SLC43A2: variants seen among roughly 807,000 people sequenced by gnomAD.
SLC43A2 encodes the protein large neutral amino acids transporter small subunit 4.
A neutral mutation model predicts 63.2 loss-of-function variants in SLC43A2; 38 were observed. The observed-to-expected ratio is 0.60, with a 90% CI of 0.46 to 0.79. The LOEUF (loss-of-function observed/expected upper bound fraction) is 0.79. SLC43A2 is among the 30% of genes least tolerant of loss of function. The pLI is 0.00. For synonymous variants in SLC43A2, 322 were observed against 331.0 expected (o/e 0.97, Z 0.30); for missense variants, 644 against 756.2 (o/e 0.85, Z 1.74).
intron 5 of SLC43A2, among the ~76,000 whole-genome samples, chr17:1,602,821 C>A (rs1426084501): frequency 7.2e-6 from 1 of 138,470 alleles, no homozygotes; most frequent in Non-Finnish European, 1.5e-5. Context: ...TGCAATGGTG[C>A]AATCTCGGCT....
chr17:1,616,745 C>A lies in SLC43A2; in HGVS notation c.185G>T (p.Gly62Val). The A allele has an allele frequency of 2.5e-6, 4 of 1,614,034 alleles. No individual in the cohort carries two copies. The highest frequency in any genetic ancestry group is 3.4e-6 in the Non-Finnish European group (4 of 1,180,042). ...EPENVTNGTV[G>V]GTAEPGHEEV... ...CTCGTGCCCCGGCTCTGCTGTGCCG[C>A]CCACTGTGCCATTGGTGACATTCTC... The change falls in exon 3 of 14, where the codon GGC becomes GTC. Residue 62 changes from glycine to valine, a missense_variant. Physicochemically the swap from Gly to Val is moderately radical, Grantham distance 109 (BLOSUM62 -3). Coordinates refer to ENST00000301335, the MANE Select transcript of SLC43A2 (RefSeq NM_152346.3).
chr17:1,595,682 C>T (rs1425828092), intron 5 of SLC43A2, among the ~76,000 whole-genome samples: 1 of 151,292 alleles, frequency 6.6e-6, no homozygotes, highest in Non-Finnish European at 1.5e-5. Flanking sequence ...TGACCTCAAG[C>T]GATCCATCTA....
At chr17:1,586,911 A>T in intron 9 of SLC43A2, 1 of 1,529,770 alleles carries the variant, frequency 6.5e-7, no homozygotes, top group Non-Finnish European at 8.7e-7. Flanking sequence ...AGGGGACATC[A>T]CAGCATTCCC....
intron 5 of SLC43A2, among the ~76,000 whole-genome samples, chr17:1,603,412 C>T (rs1030484919): frequency 4.0e-5 from 6 of 151,798 alleles, no homozygotes; most frequent in African/African-American, 1.5e-4. Context: ...AGAGAGGTTT[C>T]ATTTGACACA....
At position 1,583,097 on chromosome 17, in the gene SLC43A2, A is replaced by C; in HGVS notation, c.1350+107T>G. ...CTGTCTCAAAAAAATAAAGAAAGTC[A>C]TCCGCTTTGTTGATGGCTTCCATGA... On this transcript the variant is annotated intron_variant, in intron 11 of 13. Coordinates refer to ENST00000301335, the MANE Select transcript of SLC43A2 (RefSeq NM_152346.3). The surrounding 1 kb of genome is among the most constrained non-coding windows in gnomAD (Gnocchi z 5.5). The C allele has an allele frequency of 7.9e-7, 1 of 1,258,396 alleles. No homozygotes were observed. The highest frequency in any genetic ancestry group is 1.1e-6 in the Non-Finnish European group (1 of 889,530). 78.0% of individuals were successfully genotyped at this position (1,258,396 alleles called of 1,614,324 possible).
intron 11 of SLC43A2, among the ~76,000 whole-genome samples, chr17:1,582,405 C>G (rs1447973492): frequency 6.6e-6 from 1 of 152,182 alleles, no homozygotes; most frequent in Non-Finnish European, 1.5e-5. Flanking sequence ...AGATATGAAG[C>G]CACCATCAAG....
At position 1,583,072 on chromosome 17, in the gene SLC43A2, CT is replaced by C; in HGVS notation, c.1350+131del. ...CCAGCCTGAGCAACAGAGTTTGACT[CT>C]GTCTCAAAAAAATAAAGAAAGTCAT... On this transcript the variant is annotated intron_variant, in intron 11 of 13. Transcript: ENST00000301335. This position sits in a 1 kb window ranked among gnomAD's most constrained non-coding sequence, Gnocchi z 5.5. 4.9e-6 allele frequency: 5 copies of C among 1,022,728 alleles called. No homozygotes were observed. The highest frequency in any genetic ancestry group is 7.1e-6 in the Non-Finnish European group (5 of 700,440). 63.4% of individuals were successfully genotyped at this position (1,022,728 alleles called of 1,614,324 possible).
At chr17:1,589,658 C>T (rs183919555) in intron 9 of SLC43A2, among the ~76,000 whole-genome samples, 4 of 152,282 alleles carry the variant, frequency 2.6e-5, no homozygotes, top group African/African-American at 7.2e-5. Flanking sequence ...CGCACTCTGT[C>T]GCCCAGGCTG....
intron 6 of SLC43A2, among the ~76,000 whole-genome samples, chr17:1,592,359 G>A (rs1263912343): frequency 2.0e-5 from 3 of 152,182 alleles, no homozygotes; most frequent in East Asian, 1.9e-4. Context: ...CCTGGGAGGT[G>A]GAGGTTGCAG....
At chr17:1,612,829 G>A (rs922450052) in intron 5 of SLC43A2, among the ~76,000 whole-genome samples, 7 of 152,200 alleles carry the variant, frequency 4.6e-5, no homozygotes, top group East Asian at 3.9e-4. Flanking sequence ...AAAATTAGCC[G>A]GGTGTGGTGG....
chr17:1,600,152 A>ATTT (rs1555541181), intron 5 of SLC43A2, among the ~76,000 whole-genome samples: 1 of 60,280 alleles, frequency 1.7e-5, no homozygotes, highest in Non-Finnish European at 3.2e-5. Flanking sequence ...ATATATATAT[A>ATTT]TTTTTTTTTT....
At chr17:1,615,085 T>C (rs772674824) in intron 3 of SLC43A2, 51 bp from the exon 4 acceptor site, 41 of 1,603,050 alleles carry the variant, frequency 2.6e-5, no homozygotes, top group Non-Finnish European at 3.5e-5. Flanking sequence ...CTTTATTCAG[T>C]GTTATTGTTT....
At position 1,590,923 on chromosome 17, in the gene SLC43A2, C is replaced by G. The variant is rs1163958151; in HGVS notation, c.957G>C (p.Val319=). 2 of 1,551,164 alleles carry G rather than the reference C, an allele frequency of 1.3e-6. No individual in the cohort carries two copies. The highest frequency in any genetic ancestry group is 1.4e-5 in the African/African-American group (1 of 73,112). The change falls in exon 9 of 14, where the codon GTG becomes GTC. Residue 319 remains valine, a synonymous_variant. Transcript: ENST00000301335. ...AAVAPSFMHS[V]FSPILLLSLV... Reference sequence around the variant, plus strand: ...GGCTGAGCAGCAGGATGGGGCTGAACACGCTGTGCATGAAGGAGGGGGCCA... The same window carrying G: ...GGCTGAGCAGCAGGATGGGGCTGAAGACGCTGTGCATGAAGGAGGGGGCCA...
rs142373216 is a variant in SLC43A2, at chr17:1,583,416, G to A, written c.1218-80C>T. On this transcript the variant is annotated intron_variant, in intron 10 of 13. Transcript: ENST00000301335. The surrounding 1 kb of genome is among the most constrained non-coding windows in gnomAD (Gnocchi z 5.5). ...GCTCCTGAGAAGTCAGGCCTCAAGC[G>A]TCGCAGCAGGTAAACTGACGCAAGA... is the stretch of plus-strand genomic sequence containing the variant. 1.1e-5 allele frequency: 18 copies of A among 1,583,250 alleles called. No homozygotes were observed. The highest frequency in any genetic ancestry group is 2.0e-4 in the Middle Eastern group (1 of 4,928).
At chr17:1,609,349 C>T (rs1468275349) in intron 5 of SLC43A2, among the ~76,000 whole-genome samples, 1 of 151,760 alleles carries the variant, frequency 6.6e-6, no homozygotes, top group Non-Finnish European at 1.5e-5. Flanking sequence ...TTACAGGCGC[C>T]CTCCACCAAG....
chr17:1,604,926 G>C (rs1008763265), intron 5 of SLC43A2: 21 of 1,524,958 alleles, frequency 1.4e-5, no homozygotes, highest in Non-Finnish European at 1.7e-5. Context: ...ATGGCTGTTC[G>C]AAGCCGCGGT....
intron 4 of SLC43A2, 109 bp from the exon 5 acceptor site, chr17:1,613,380 G>A (rs571321300): frequency 2.7e-5 from 25 of 910,836 alleles, no homozygotes; most frequent in Non-Finnish European, 3.9e-5. Context: ...TCCAGTAAAC[G>A]CAGGCCGGGG....
rs572187274 is a variant in SLC43A2 at position 1,628,210 on chromosome 17, G to A, written c.-46-290C>T. 9 of 219,356 alleles carry A rather than the reference G, an allele frequency of 4.1e-5. No homozygotes were observed. The South Asian group carries it at 1.4e-3, about 34-fold the overall frequency. 13.6% of individuals were successfully genotyped at this position (219,356 alleles called of 1,614,324 possible). ...AACTGAGGCATGGAGGCAAGAAGGG[G>A]CTAACGCATGCTCAGGGCCGTGGAA... On this transcript the variant is annotated intron_variant, in intron 1 of 13. Coordinates refer to ENST00000301335, the MANE Select transcript of SLC43A2 (RefSeq NM_152346.3).
chr17:1,614,771 C>A (rs1907438633), intron 4 of SLC43A2, among the ~76,000 whole-genome samples: 1 of 152,086 alleles, frequency 6.6e-6, no homozygotes, highest in Non-Finnish European at 1.5e-5. Context: ...GTTGCTCATA[C>A]CCTGGAAGCT....
Sources: gnomAD v4.1 joint callset for allele counts (sites outside exome capture counted in the v4.1 genomes callset) on GRCh38, gnomAD v4.1.1 for gene constraint, Gnocchi (gnomAD v3.1) non-coding constraint, MANE v1.5 for transcripts, NCBI Gene and HGNC (gene_info 2026-07-23, HGNC 2026-07-21) for gene names.